Variants in XXYLT1 observed in about 807,000 individuals in gnomAD.
XXYLT1 encodes the protein UDP-xylose:alpha-xyloside alpha-1,3-xylosyltransferase.
In XXYLT1, 20 loss-of-function variants were observed where a neutral mutation model predicts 28.9. The ratio of observed to expected loss-of-function variants is 0.69; its 90% CI spans 0.49 to 1.00. XXYLT1 has a LOEUF of 1.00. XXYLT1 is among the 50% of genes least tolerant of loss of function. XXYLT1 has a pLI of 0.00. For synonymous variants in XXYLT1, 257 were observed against 253.8 expected, an observed-to-expected ratio of 1.01 and a Z score of -0.12; for missense variants, 542 against 560.1, an observed-to-expected ratio of 0.97 and a Z score of 0.33.
chr3:195,206,279 C>T (rs571048904), intron 2 of XXYLT1, among the ~76,000 whole-genome samples: 72 of 151,616 alleles, frequency 4.7e-4, no homozygotes, highest in Non-Finnish European at 8.5e-4. Context: ...CGAAGTGCTA[C>T]GATTACAGGC....
intron 3 of XXYLT1, among the ~76,000 whole-genome samples, chr3:195,142,371 A>T (rs1719537815): frequency 6.6e-6 from 1 of 152,160 alleles, no homozygotes; most frequent in South Asian, 2.1e-4. Flanking sequence ...TCTCATTCAG[A>T]CTGCTCACAC....
intron 3 of XXYLT1, chr3:195,152,177 C>T (rs112463133): frequency 2.6e-5 from 4 of 152,556 alleles, no homozygotes; most frequent in African/African-American, 7.2e-5. Flanking sequence ...AGGGCACAGC[C>T]GTTTACTTTT....
chr3:195,141,417 G>A (rs1719482231), intron 3 of XXYLT1, among the ~76,000 whole-genome samples: 1 of 152,190 alleles, frequency 6.6e-6, no homozygotes, highest in African/African-American at 2.4e-5. Flanking sequence ...AACTTGGAGT[G>A]AACTCTCCTT....
chr3:195,080,689 G>C (rs965713543), intron 3 of XXYLT1, among the ~76,000 whole-genome samples: 2 of 152,146 alleles, frequency 1.3e-5, no homozygotes, highest in Non-Finnish European at 2.9e-5. Context: ...GGTGTTTTCC[G>C]GGACAGCGAG....
At chr3:195,096,664 C>A (rs898813264) in intron 3 of XXYLT1, among the ~76,000 whole-genome samples, 6 of 152,210 alleles carry the variant, frequency 3.9e-5, no homozygotes, top group Non-Finnish European at 8.8e-5. Context: ...CTCCTCAGGC[C>A]TTCTCAGTGC....
In XXYLT1 at chr3:195,248,061, C is replaced by A. The variant is rs1725106486; in HGVS notation, c.505-21205G>T. ...CCTTATCAGCCACTTTCCAAGGCTG[C>A]CTGCTCTCCTGGGTTTCACAAAGCC... On this transcript the variant is annotated intron_variant, in intron 1 of 3. Transcript: ENST00000310380. The A allele has an allele frequency of 7.7e-6, 4 of 520,790 alleles. No homozygotes were observed. In the Admixed American group the frequency reaches 1.0e-4, roughly 13 times the overall value. The allele number at this position is 520,790 out of a possible 1,614,324, so 32.3% of individuals were successfully genotyped here.
At position 195,209,140 on chromosome 3, in the gene XXYLT1, A is replaced by G. The variant is rs760812829; in HGVS notation, c.652+17569T>C. On this transcript the variant is annotated intron_variant, in intron 2 of 3. Transcript: ENST00000310380. This position sits in a 1 kb window ranked among gnomAD's most constrained non-coding sequence, Gnocchi z 5.0. Reference sequence around the variant, plus strand: ...GCTATCTCCCAGAGTGTAAGATGCCAGTGGGGTTAGGACAGGAACCGGCTC... The same window carrying G: ...GCTATCTCCCAGAGTGTAAGATGCCGGTGGGGTTAGGACAGGAACCGGCTC... 3.9e-5 allele frequency among the ~76,000 whole-genome samples: 6 copies of G among 152,200 alleles called. No individual in the cohort carries two copies. Among genetic ancestry groups the G allele is most frequent in the Non-Finnish European group, 8.8e-5 (6 of 68,028 alleles).
chr3:195,139,711 G>GCC (rs1436698663), intron 3 of XXYLT1, among the ~76,000 whole-genome samples: 2 of 152,152 alleles, frequency 1.3e-5, no homozygotes, highest in Admixed American at 6.5e-5. Flanking sequence ...CATGACTGAG[G>GCC]CCAAGCCCAC....
chr3:195,250,965 G>A (rs1350319032), intron 1 of XXYLT1, among the ~76,000 whole-genome samples: 1 of 152,244 alleles, frequency 6.6e-6, no homozygotes, highest in Non-Finnish European at 1.5e-5. Flanking sequence ...TCTCAAAGCA[G>A]CACTCGTTTG....
At chr3:195,128,356 C>A (rs1224870247) in intron 3 of XXYLT1, among the ~76,000 whole-genome samples, 1 of 152,124 alleles carries the variant, frequency 6.6e-6, no homozygotes, top group Non-Finnish European at 1.5e-5. Flanking sequence ...TTCCAGCTGC[C>A]CCCCTTAAAT....
intron 1 of XXYLT1, among the ~76,000 whole-genome samples, chr3:195,259,434 T>TGGTC (rs1725600030): frequency 6.6e-6 from 1 of 151,904 alleles, no homozygotes; most frequent in South Asian, 2.1e-4. Flanking sequence ...ACGGTGTGAG[T>TGGTC]GGTCCCAGGG....
chr3:195,114,079 A>G (rs1717920140), intron 3 of XXYLT1, among the ~76,000 whole-genome samples: 1 of 152,166 alleles, frequency 6.6e-6, no homozygotes, highest in Admixed American at 6.5e-5. Flanking sequence ...TGAGTGCCAG[A>G]CCCCTGGGTT....
At chr3:195,247,427 T>G (rs1725072321) in intron 1 of XXYLT1, among the ~76,000 whole-genome samples, 1 of 152,268 alleles carries the variant, frequency 6.6e-6, no homozygotes, top group Admixed American at 6.5e-5. Flanking sequence ...AAGGAGGCAC[T>G]GAGCCAGATT....
chr3:195,091,001 C>T (rs1363928318), intron 3 of XXYLT1, among the ~76,000 whole-genome samples: 1 of 151,410 alleles, frequency 6.6e-6, no homozygotes, highest in African/African-American at 2.4e-5. Flanking sequence ...TCTGAATAGA[C>T]CAATAACAGG....
intron 3 of XXYLT1, among the ~76,000 whole-genome samples, chr3:195,108,443 T>C (rs1293879981): frequency 2.6e-5 from 4 of 152,234 alleles, no homozygotes; most frequent in Non-Finnish European, 5.9e-5. Flanking sequence ...AAAATACACA[T>C]TTGGAGTAAA....
At position 195,068,308 on chromosome 3, in the gene XXYLT1, T is replaced by C. The variant is rs1714616152; in HGVS notation, c.*1407A>G. 1 of 152,032 alleles carries C rather than the reference T, an allele frequency of 6.6e-6. No individual in the cohort carries two copies. The highest frequency in any genetic ancestry group is 1.5e-5 in the Non-Finnish European group (1 of 68,024). The allele number at this position is 152,032 out of a possible 1,614,324, so 9.4% of individuals were successfully genotyped here. A position where few individuals can be genotyped will look rare whatever the true frequency, so the allele number is the denominator to read the frequency against. ...GTTCTCAAAGATGATTTATTGGCTA[T>C]CCTCACTCATGGGAAAAAGAAAAAC... On this transcript the variant is annotated 3_prime_UTR_variant, in exon 4 of 4. Transcript: ENST00000310380.
intron 2 of XXYLT1, among the ~76,000 whole-genome samples, chr3:195,169,720 A>G (rs1045284899): frequency 2.6e-5 from 4 of 152,162 alleles, no homozygotes; most frequent in African/African-American, 9.7e-5. Flanking sequence ...GTTTTCTACT[A>G]TATACAAACA....
At chr3:195,230,779 A>G (rs1224951951) in intron 1 of XXYLT1, among the ~76,000 whole-genome samples, 1 of 152,160 alleles carries the variant, frequency 6.6e-6, no homozygotes, top group African/African-American at 2.4e-5. Flanking sequence ...TTTGGTTACT[A>G]TAACTCTGTA....
intron 2 of XXYLT1, among the ~76,000 whole-genome samples, chr3:195,166,139 A>C (rs1721108315): frequency 6.6e-6 from 1 of 152,012 alleles, no homozygotes; most frequent in Non-Finnish European, 1.5e-5. Context: ...AGAAGTCCCC[A>C]CACATTTCAC....
Sources: allele counts gnomAD v4.1 joint callset (sites outside exome capture counted in the v4.1 genomes callset), GRCh38; gene constraint gnomAD v4.1.1; non-coding constraint Gnocchi (gnomAD v3.1); transcripts MANE v1.5; gene names NCBI Gene and HGNC (gene_info 2026-07-23, HGNC 2026-07-21).